Variants in DOCK10 observed in about 807,000 individuals in gnomAD.
The protein encoded by DOCK10 is dedicator of cytokinesis 10.
In DOCK10, 145 loss-of-function variants were observed where a neutral mutation model predicts 280.1. That is an observed-to-expected ratio of 0.52 (90% confidence interval 0.45 to 0.59). The LOEUF (loss-of-function observed/expected upper bound fraction) is 0.59. Among genes scored for constraint, DOCK10 ranks in the 20% least tolerant of loss-of-function variants. The pLI, the probability that DOCK10 is intolerant of heterozygous loss-of-function variation, is 0.00. For missense variants in DOCK10, 2,368 were observed against 2,651.7 expected (o/e 0.89, Z 2.35); for synonymous variants, 915 against 942.2 (o/e 0.97, Z 0.53).
intron 4 of DOCK10, among the ~76,000 whole-genome samples, chr2:224,895,401 G>T (rs1415452106): frequency 2.6e-5 from 4 of 152,174 alleles, no homozygotes; most frequent in African/African-American, 9.7e-5. Flanking sequence ...GTGTTTTTCT[G>T]AATTATTTAC....
At chr2:224,894,783 C>T (rs1009041463) in intron 4 of DOCK10, among the ~76,000 whole-genome samples, 3 of 152,130 alleles carry the variant, frequency 2.0e-5, no homozygotes, top group African/African-American at 7.2e-5. Flanking sequence ...GGTAATGAAA[C>T]CCCAAAATAA....
chr2:224,803,337 G>A (rs1693141261), intron 39 of DOCK10, among the ~76,000 whole-genome samples: 1 of 151,946 alleles, frequency 6.6e-6, no homozygotes, highest in South Asian at 2.1e-4. Context: ...AGGGCATGGA[G>A]GGAGGCACAA....
chr2:224,842,652 A>G (rs999203667), intron 22 of DOCK10, among the ~76,000 whole-genome samples: 1 of 152,044 alleles, frequency 6.6e-6, no homozygotes, highest in Non-Finnish European at 1.5e-5. Flanking sequence ...ACTAGAGACA[A>G]CTGTTTTCCC....
At chr2:225,031,242 T>C (rs1322727947) in intron 1 of DOCK10, among the ~76,000 whole-genome samples, 1 of 152,206 alleles carries the variant, frequency 6.6e-6, no homozygotes, top group Admixed American at 6.5e-5. Context: ...GGTGAAAGGT[T>C]ATCTCTAGCA....
At chr2:224,917,099 A>ATTTTTTTTTTTT (rs1559754057) in intron 2 of DOCK10, among the ~76,000 whole-genome samples, 2 of 60,252 alleles carry the variant, frequency 3.3e-5, no homozygotes, top group Non-Finnish European at 3.2e-5. Context: ...TTCTATTGGA[A>ATTTTTTTTTTTT]TCTTTTTTTT....
At chr2:224,874,886 C>T (rs1210468633) in intron 8 of DOCK10, 135 bp from the exon 9 acceptor site, 1 of 717,280 alleles carries the variant, frequency 1.4e-6, no homozygotes, top group African/African-American at 1.7e-5. Flanking sequence ...TCATTGTGTT[C>T]TGACTCCTGA....
chr2:224,865,857 A>T lies in DOCK10; in HGVS notation c.1258-770T>A, dbSNP rs534185008. On this transcript the variant is annotated intron_variant, in intron 11 of 55. Coordinates refer to ENST00000258390, the MANE Select transcript of DOCK10 (RefSeq NM_014689.3). ...GTTTCTCTCTCTCTCTCTCTCTCTC[A>T]CACACACACACACACTCTCTCTCTC... Among the ~76,000 whole-genome samples the T allele has an allele frequency of 2.5e-3, 373 of 147,900 alleles. 1 individual carries two copies. The highest frequency in any genetic ancestry group is 3.9e-3 in the Non-Finnish European group (265 of 67,378).
chr2:225,035,300 C>A (rs4674960), intron 1 of DOCK10, among the ~76,000 whole-genome samples: 8,208 of 151,748 alleles, frequency 0.054, 732 homozygotes, highest in African/African-American at 0.19. Flanking sequence ...AGGTCATGAA[C>A]CACATTATAG....
chr2:224,816,831 C>T (rs1694163142), intron 29 of DOCK10, 118 bp from the exon 30 acceptor site: 1 of 618,332 alleles, frequency 1.6e-6, no homozygotes, highest in Non-Finnish European at 2.9e-6. Context: ...TTACCATACA[C>T]TTGTCGGACC....
chr2:224,921,201 C>G (rs1256742776), intron 2 of DOCK10, among the ~76,000 whole-genome samples: 2 of 143,890 alleles, frequency 1.4e-5, no homozygotes, highest in East Asian at 2.0e-4. Flanking sequence ...ACTCAGGAGG[C>G]TGAGGCAGGA....
In DOCK10 at chr2:224,814,300, G is replaced by C. The variant is rs1163056868; in HGVS notation, c.3409+20C>G. On this transcript the variant is annotated intron_variant, in intron 31 of 55. Coordinates refer to ENST00000258390, the MANE Select transcript of DOCK10 (RefSeq NM_014689.3). The stretch of plus-strand genomic sequence containing the variant: ...GATTACAGGTGGTTACTGATGCTTA[G>C]GTAAGGTAATATCACTTACCTGATG... 1 of 1,487,208 alleles carries C rather than the reference G, an allele frequency of 6.7e-7. No homozygotes were observed. The highest frequency in any genetic ancestry group is 1.4e-5 in the African/African-American group (1 of 70,326). 92.1% of individuals were successfully genotyped at this position (1,487,208 alleles called of 1,614,324 possible). A position where few individuals can be genotyped will look rare whatever the true frequency, so the allele number is the denominator to read the frequency against.
rs971080927 is a variant in DOCK10, at chr2:224,918,317, T to C, written c.244-1533A>G. ...AAGAGGATGAGAGTGTGTGGGAGCA[T>C]ATATGAGTGTGTGTGGGGTGTGTGT... On this transcript the variant is annotated intron_variant, in intron 2 of 55. Transcript: ENST00000258390. Among the ~76,000 whole-genome samples the C allele has an allele frequency of 2.7e-5, 4 of 148,340 alleles. No homozygotes were observed. In the Admixed American group the frequency reaches 2.8e-4, roughly 10 times the overall value.
At chr2:224,983,613 A>C in intron 1 of DOCK10, 1 of 353,634 alleles carries the variant, frequency 2.8e-6, no homozygotes, top group East Asian at 7.4e-5. Flanking sequence ...CCCCAGCCTC[A>C]GTGAGGTTGC....
intron 4 of DOCK10, among the ~76,000 whole-genome samples, chr2:224,894,675 A>T (rs1699881585): frequency 6.6e-6 from 1 of 152,340 alleles, no homozygotes; most frequent in South Asian, 2.1e-4. Context: ...GCAGGGATTC[A>T]AGTCAAAAAG....
At chr2:224,908,184 ATGTG>A (rs71062966) in intron 3 of DOCK10, among the ~76,000 whole-genome samples, 2 of 148,414 alleles carry the variant, frequency 1.3e-5, no homozygotes, top group African/African-American at 5.0e-5. Flanking sequence ...GTGTGTGTGT[ATGTG>A]TGTGTGTGTG....
At chr2:224,918,132 C>T (rs1553613023) in intron 2 of DOCK10, among the ~76,000 whole-genome samples, 1 of 152,214 alleles carries the variant, frequency 6.6e-6, no homozygotes, top group Non-Finnish European at 1.5e-5. Context: ...CATTCCTTCT[C>T]TTCCAATCCT....
intron 48 of DOCK10, 133 bp from the exon 49 acceptor site, chr2:224,787,530 G>A (rs763497783): frequency 1.8e-6 from 2 of 1,116,910 alleles, no homozygotes; most frequent in East Asian, 2.3e-5. Context: ...GCAGGGGATC[G>A]TGGTGTCATC....
At position 224,896,381 on chromosome 2, in the gene DOCK10, A is replaced by C; in HGVS notation, c.334-4T>G. The C allele has an allele frequency of 6.5e-7, 1 of 1,539,880 alleles. No homozygotes were observed. The highest frequency in any genetic ancestry group is 8.9e-7 in the Non-Finnish European group (1 of 1,123,650). ...GGGAACTATAAAATTTACAAGCCTG[A>C]AAGAAAGAAAAATGACAATTATTAA... On this transcript the variant is annotated splice_region_variant and splice_polypyrimidine_tract_variant and intron_variant, in intron 3 of 55. Coordinates refer to ENST00000258390, the MANE Select transcript of DOCK10 (RefSeq NM_014689.3).
intron 18 of DOCK10, among the ~76,000 whole-genome samples, chr2:224,850,098 C>T (rs13025480): frequency 5.9e-4 from 90 of 152,270 alleles, no homozygotes; most frequent in Admixed American, 9.8e-4. Context: ...CACACTCCCC[C>T]CAGTACCTGG....
Sources: allele counts gnomAD v4.1 joint callset (sites outside exome capture counted in the v4.1 genomes callset), GRCh38; gene constraint gnomAD v4.1.1; transcripts MANE v1.5; gene names NCBI Gene and HGNC (gene_info 2026-07-23, HGNC 2026-07-21).